The following TRAPPC9 variants were observed in gnomAD, a reference collection of about 807,000 sequenced individuals.
TRAPPC9 encodes the protein IKK2 binding protein.
Under a neutral mutation model 124.0 loss-of-function variants are expected in TRAPPC9, and 83 were observed. The observed-to-expected ratio is 0.67, with a 90% CI of 0.56 to 0.80. The LOEUF is 0.80. Among genes scored for constraint, TRAPPC9 ranks in the 30% least tolerant of loss-of-function variants. The pLI is 0.00. For synonymous variants in TRAPPC9, 638 were observed against 617.5 expected (o/e 1.03, Z -0.49); for missense variants, 1,302 against 1,508.3 (o/e 0.86, Z 2.27).
chr8:140,295,851 T>G (rs145652819), intron 11 of TRAPPC9, among the ~76,000 whole-genome samples: 1 of 152,172 alleles, frequency 6.6e-6, no homozygotes, highest in Non-Finnish European at 1.5e-5. Flanking sequence ...AAAAAGATAT[T>G]AGAAGCTATG....
chr8:140,331,214 C>T (rs2066886945), intron 9 of TRAPPC9, among the ~76,000 whole-genome samples: 1 of 151,224 alleles, frequency 6.6e-6, no homozygotes. Context: ...AGAGCATCCA[C>T]TGGGAAAAAG....
intron 21 of TRAPPC9, among the ~76,000 whole-genome samples, chr8:139,755,724 C>T (rs1819700015): frequency 7.4e-6 from 1 of 136,018 alleles, no homozygotes; most frequent in Non-Finnish European, 1.6e-5. Flanking sequence ...CAGGAGGAGC[C>T]AGGGTTTGGG....
chr8:140,435,186 G>T lies in TRAPPC9; in HGVS notation c.785C>A (p.Thr262Asn). The T allele has an allele frequency of 1.2e-6, 2 of 1,614,026 alleles. No individual in the cohort carries two copies. The highest frequency in any genetic ancestry group is 1.1e-5 in the South Asian group (1 of 91,070). ...ASVIYHYPGG[T>N]GGKSGARRFQ... Reference sequence around the variant, plus strand: ...CCTCCGAGCTCCACTCTTCCCACCAGTTCCACCAGGATAGTGATAGATGAC... The same window carrying T: ...CCTCCGAGCTCCACTCTTCCCACCATTTCCACCAGGATAGTGATAGATGAC... Residue 262 changes from threonine to asparagine, a missense_variant, in exon 4 of 23, where the codon ACT becomes AAT. Thr to Asn is a moderately conservative substitution (Grantham distance 65). This residue lies in a region of TRAPPC9 where 657 missense variants were observed against 811.2 expected (regional missense o/e 0.81). Transcript: ENST00000438773.
At position 140,157,075 on chromosome 8, in the gene TRAPPC9, AAAGCCTCCCTTTTCCATTCAG is replaced by A. The variant is rs1563804399; in HGVS notation, c.2556+64363_2556+64383del. Among the ~76,000 whole-genome samples, 53 of 48,686 alleles carry A rather than the reference AAAGCCTCCCTTTTCCATTCAG, an allele frequency of 1.1e-3. 2 individuals are homozygous for A. Among genetic ancestry groups the A allele is most frequent in the East Asian group, 7.2e-3 (8 of 1,114 alleles). 31.9% of individuals were successfully genotyped at this position (48,686 alleles called of 152,430 possible). On this transcript the variant is annotated intron_variant, in intron 17 of 22. Transcript: ENST00000438773. ...ATTCAAAAGCCTCCCTTTCCATTCA[AAAGCCTCCCTTTTCCATTCAG>A]AAGCCTCCCTTTCCATTCAGAAGCC...
intron 18 of TRAPPC9, among the ~76,000 whole-genome samples, chr8:139,997,055 A>AT (rs1264766725): frequency 6.1e-5 from 9 of 147,440 alleles, no homozygotes; most frequent in Non-Finnish European, 1.2e-4. Flanking sequence ...CCCAAAAACT[A>AT]TTTTTTTTAA....
chr8:140,377,565 G>C (rs779491555), intron 7 of TRAPPC9, among the ~76,000 whole-genome samples: 3 of 152,188 alleles, frequency 2.0e-5, no homozygotes, highest in Non-Finnish European at 2.9e-5. Context: ...AAAGTGCTGG[G>C]ATTACAGGCA....
At chr8:140,207,356 G>A (rs577746287) in intron 17 of TRAPPC9, among the ~76,000 whole-genome samples, 35 of 152,260 alleles carry the variant, frequency 2.3e-4, no homozygotes, top group African/African-American at 7.7e-4. Flanking sequence ...TTTGTTTGAC[G>A]TTGTCTCTAT....
intron 21 of TRAPPC9, among the ~76,000 whole-genome samples, chr8:139,811,447 G>C (rs1824438479): frequency 6.6e-6 from 1 of 152,208 alleles, no homozygotes; most frequent in Non-Finnish European, 1.5e-5. Context: ...TGTTTTCACT[G>C]AAATGGCCCA....
At chr8:139,880,378 C>T (rs1270146303) in intron 21 of TRAPPC9, among the ~76,000 whole-genome samples, 1 of 152,204 alleles carries the variant, frequency 6.6e-6, no homozygotes, top group African/African-American at 2.4e-5. Flanking sequence ...ACAGATCCAG[C>T]TGTAGCATTG....
chr8:139,779,430 A>C (rs1821623235), intron 21 of TRAPPC9, among the ~76,000 whole-genome samples: 1 of 152,228 alleles, frequency 6.6e-6, no homozygotes, highest in Admixed American at 6.5e-5. Flanking sequence ...AAATGAAGGC[A>C]CAGGAAATGG....
chr8:140,054,188 G>A (rs1419547262), intron 17 of TRAPPC9, among the ~76,000 whole-genome samples: 1 of 152,180 alleles, frequency 6.6e-6, no homozygotes, highest in African/African-American at 2.4e-5. Context: ...GAGGTCAAGG[G>A]AAGGTCTGAA....
At chr8:139,810,385 C>T (rs1824356998) in intron 21 of TRAPPC9, among the ~76,000 whole-genome samples, 1 of 152,148 alleles carries the variant, frequency 6.6e-6, no homozygotes. Flanking sequence ...ACGGATCCTG[C>T]GAGCCAGGGT....
At chr8:140,100,972 T>G (rs1231191676) in intron 17 of TRAPPC9, among the ~76,000 whole-genome samples, 2 of 152,252 alleles carry the variant, frequency 1.3e-5, no homozygotes, top group African/African-American at 4.8e-5. Context: ...CCTGGAGGAC[T>G]ATATGTGACG....
intron 11 of TRAPPC9, among the ~76,000 whole-genome samples, chr8:140,299,216 G>A (rs74952904): frequency 0.033 from 5,080 of 152,264 alleles, 283 homozygotes; most frequent in African/African-American, 0.11. Context: ...TTCTTTCCAC[G>A]ACCAGAAAGG....
chr8:140,243,278 A>G (rs1243757675), intron 16 of TRAPPC9, among the ~76,000 whole-genome samples: 1 of 152,232 alleles, frequency 6.6e-6, no homozygotes, highest in Non-Finnish European at 1.5e-5. Flanking sequence ...CTCTGATGAG[A>G]GGAGGAGCCC....
At chr8:139,983,545 C>T (rs1016162676) in intron 19 of TRAPPC9, among the ~76,000 whole-genome samples, 8 of 152,086 alleles carry the variant, frequency 5.3e-5, no homozygotes, top group African/African-American at 1.2e-4. Flanking sequence ...CAACACCACA[C>T]GTACTCAGCA....
Position 139,810,367 on chromosome 8 carries a change from C to T in TRAPPC9, c.3055+75512G>A, listed in dbSNP as rs375524373. On this transcript the variant is annotated intron_variant, in intron 21 of 22. Transcript: ENST00000438773. ...CAATGGGTGCAGAGTGGCAGCTGAA[C>T]GACCATGACGGATCCTGCGAGCCAG... 6.8e-4 allele frequency among the ~76,000 whole-genome samples: 104 copies of T among 152,238 alleles called. 1 individual carries two copies. The highest frequency in any genetic ancestry group is 2.4e-3 in the African/African-American group (98 of 41,544).
intron 7 of TRAPPC9, among the ~76,000 whole-genome samples, chr8:140,393,230 C>T (rs866562511): frequency 2.6e-5 from 4 of 152,046 alleles, no homozygotes; most frequent in Admixed American, 6.6e-5. Flanking sequence ...CCCCACCACA[C>T]CCAGCTATCA....
rs555007359 is a variant in TRAPPC9, at chr8:139,937,514, G to A, written c.2811-27214C>T. Among the ~76,000 whole-genome samples, 33 of 152,318 alleles carry A rather than the reference G, an allele frequency of 2.2e-4. No homozygotes were observed. The South Asian group carries it at 6.6e-3, about 31-fold the overall frequency. On this transcript the variant is annotated intron_variant, in intron 19 of 22. Transcript: ENST00000438773. Reference sequence around the variant, plus strand: ...ACAGCGCTGGGGGCAGCGGCTTCAGGAGCAGGCGGAGGCTGGAGGGCCGAG... The same window carrying A: ...ACAGCGCTGGGGGCAGCGGCTTCAGAAGCAGGCGGAGGCTGGAGGGCCGAG...
Sources: allele counts gnomAD v4.1 joint callset (sites outside exome capture counted in the v4.1 genomes callset), GRCh38; gene constraint gnomAD v4.1.1; regional missense constraint gnomAD v4.1.1; transcripts MANE v1.5; gene names NCBI Gene and HGNC (gene_info 2026-07-23, HGNC 2026-07-21).